The following MS4A12 variants were observed in gnomAD, a reference collection of about 807,000 sequenced individuals.
MS4A12 encodes the protein membrane-spanning 4-domains subfamily A member 12.
MS4A12 carries 28 observed loss-of-function variants against 23.7 expected under a neutral mutation model. That is an observed-to-expected ratio of 1.18 (90% CI 0.88 to 1.62). The LOEUF is 1.62. MS4A12 is among the 40% of genes most tolerant of loss of function. MS4A12 has a pLI of 0.00. For synonymous variants in MS4A12, 108 were observed against 110.1 expected, an observed-to-expected ratio of 0.98 and a Z score of 0.12; for missense variants, 342 against 327.0, an observed-to-expected ratio of 1.05 and a Z score of -0.35.
chr11:60,497,926 G>A, intron 2 of MS4A12: 1 of 205,032 alleles, frequency 4.9e-6, no homozygotes, highest in Non-Finnish European at 9.8e-6. Flanking sequence ...TTACAAGTCT[G>A]GTTTTTGCAT....
chr11:60,500,411 T>C (rs2086522019), intron 2 of MS4A12, among the ~76,000 whole-genome samples: 1 of 152,122 alleles, frequency 6.6e-6, no homozygotes, highest in Admixed American at 6.5e-5. Context: ...GAGCTGAGCA[T>C]GGGGGAAGAC....
At chr11:60,506,996 C>T (rs751408326) in intron 6 of MS4A12, 24 bp from the exon 7 acceptor site, 1 of 1,586,638 alleles carries the variant, frequency 6.3e-7, no homozygotes, top group Non-Finnish European at 8.7e-7. Context: ...AACCATATTG[C>T]TTGTTTTTAT....
chr11:60,502,010 T>C lies in MS4A12; in HGVS notation c.442T>C (p.Ser148Pro), dbSNP rs768745030. ...TATTATCTCTGGCTCTCTCTCTGTG[T>C]CAGCATCCAAGGAGCTTTCCCGTTG... ...SFIISGSLSV[S>P]ASKELSRCLV... Residue 148 changes from serine (S) to proline (P), a missense_variant, in exon 4 of 7, where the codon TCA becomes CCA. By Grantham distance (74) the Ser-to-Pro change is moderately conservative. Transcript: ENST00000016913. 1.7e-5 allele frequency: 27 copies of C among 1,613,204 alleles called. No homozygotes were observed. Among genetic ancestry groups the C allele is most frequent in the Non-Finnish European group, 1.7e-6 (2 of 1,179,254 alleles).
At position 60,497,385 on chromosome 11, in the gene MS4A12, A is replaced by C; in HGVS notation, c.67A>C (p.Ser23Arg). The change falls in exon 2 of 7, where the codon AGC (serine) becomes CGC (arginine). Residue 23 changes from serine to arginine, a missense_variant. Coordinates refer to ENST00000016913, the MANE Select transcript of MS4A12 (RefSeq NM_017716.3). The part of the protein sequence containing the change: ...NETIPNPYPP[S>R]SFMAPGFQQP... ...AACCATACCCAACCCTTACCCACCA[A>C]GCAGCTTTATGGCTCCTGGATTTCA... is the stretch of plus-strand genomic sequence containing the variant. 6.2e-7 allele frequency: 1 copy of C among 1,614,218 alleles called. No individual in the cohort carries two copies. Among genetic ancestry groups the C allele is most frequent in the African/African-American group, 1.3e-5 (1 of 75,066 alleles).
chr11:60,493,525 A>G (rs1401827345), intron 1 of MS4A12, among the ~76,000 whole-genome samples: 1 of 152,240 alleles, frequency 6.6e-6, no homozygotes, highest in Non-Finnish European at 1.5e-5. Flanking sequence ...AACATAGAAC[A>G]CAGAAGTAAT....
chr11:60,501,948 A>G lies in MS4A12; in HGVS notation c.415-35A>G, dbSNP rs762758036. 1.0e-5 allele frequency: 16 copies of G among 1,563,272 alleles called. No homozygotes were observed. The South Asian group carries it at 1.8e-4, about 18-fold the overall frequency. ...AGAAATTCCCAAGCACAACCAGTTA[A>G]CCCATTTCACAAATAAATTTGTCCA... is the stretch of plus-strand genomic sequence containing the variant. On this transcript the variant is annotated intron_variant, in intron 3 of 6. Transcript: ENST00000016913.
chr11:60,497,275 G>T (rs1010987660), intron 1 of MS4A12, 38 bp from the exon 2 acceptor site: 1 of 1,552,164 alleles, frequency 6.4e-7, no homozygotes, highest in African/African-American at 1.4e-5. Flanking sequence ...TTCTTTTCTG[G>T]ATAAACGTAT....
At chr11:60,495,055 C>T (rs1463995983) in intron 1 of MS4A12, among the ~76,000 whole-genome samples, 8 of 150,844 alleles carry the variant, frequency 5.3e-5, no homozygotes, top group Admixed American at 2.0e-4. Context: ...TGCAGTGGCA[C>T]GATCTCGGCT....
rs1244582339 is a variant in MS4A12 at position 60,506,780 on chromosome 11, T to A, written c.641T>A (p.Phe214Tyr). ...CTGATGATCTTCTCCCTCTTGGAGT[T>A]CTTCGTAGCTTGTGCCACAGCCCAT... Reference protein sequence around the residue: ...ATLMIFSLLEFFVACATAHFA... With the variant: ...ATLMIFSLLEYFVACATAHFA... Residue 214 changes from phenylalanine (F) to tyrosine (Y), a missense_variant, in exon 6 of 7, where the codon TTC (phenylalanine) becomes TAC (tyrosine). Coordinates refer to ENST00000016913, the MANE Select transcript of MS4A12 (RefSeq NM_017716.3). 6.2e-7 allele frequency: 1 copy of A among 1,614,204 alleles called. No homozygotes were observed. The highest frequency in any genetic ancestry group is 1.7e-5 in the Admixed American group (1 of 60,034).
At chr11:60,500,165 C>T (rs988767314) in intron 2 of MS4A12, among the ~76,000 whole-genome samples, 15 of 149,010 alleles carry the variant, frequency 1.0e-4, no homozygotes, top group African/African-American at 2.5e-4. Context: ...GGTGTGAACC[C>T]GGGAGGCGGA....
chr11:60,506,821 A>G lies in MS4A12; in HGVS notation c.682A>G (p.Asn228Asp). Reference protein sequence around the residue: ...CATAHFANQANTTTNMSVLVI... With the variant: ...CATAHFANQADTTTNMSVLVI... The stretch of plus-strand genomic sequence containing the variant: ...CACAGCCCATTTTGCCAACCAAGCA[A>G]ACACCACAACCAATATGGTGAGTTG... The change falls in exon 6 of 7, where the codon AAC (asparagine) becomes GAC (aspartate). Residue 228 changes from asparagine (N) to aspartate (D), a missense_variant. Physicochemically the swap from Asn to Asp is conservative, Grantham distance 23 (BLOSUM62 1). Coordinates refer to ENST00000016913, the MANE Select transcript of MS4A12 (RefSeq NM_017716.3). The G allele has an allele frequency of 6.2e-7, 1 of 1,613,496 alleles. No homozygotes were observed. The highest frequency in any genetic ancestry group is 8.5e-7 in the Non-Finnish European group (1 of 1,179,378).
At chr11:60,503,368 G>C (rs1474504734) in intron 4 of MS4A12, among the ~76,000 whole-genome samples, 1 of 152,150 alleles carries the variant, frequency 6.6e-6, no homozygotes, top group Non-Finnish European at 1.5e-5. Flanking sequence ...GTCTGACACA[G>C]AAAAATGCTC....
At chr11:60,493,153 A>G (rs2086461840) in intron 1 of MS4A12, 1 of 152,206 alleles carries the variant, frequency 6.6e-6, no homozygotes, top group African/African-American at 2.4e-5. Flanking sequence ...AGGCAGGAGA[A>G]TCACCTGAGG....
rs2086576725 is a variant in MS4A12, at chr11:60,507,103, C to T, written c.783C>T (p.Tyr261=). ...SSSAPPRCNN[Y]SANAPK is the part of the protein sequence containing the mutation. ...CAGCTCCTCCCAGATGCAACAACTA[C>T]TCAGCTAATGCCCCTAAATAGTAAA... Residue 261 remains tyrosine, a synonymous_variant, in exon 7 of 7, where the codon TAC becomes TAT. Coordinates refer to ENST00000016913, the MANE Select transcript of MS4A12 (RefSeq NM_017716.3). The T allele has an allele frequency of 3.1e-6, 5 of 1,612,950 alleles. No homozygotes were observed. In the East Asian group the frequency reaches 1.1e-4, roughly 36 times the overall value.
intron 1 of MS4A12, 80 bp from the exon 2 acceptor site, chr11:60,497,233 G>C: frequency 7.0e-7 from 1 of 1,429,560 alleles, no homozygotes; most frequent in Non-Finnish European, 9.5e-7. Flanking sequence ...ATAGATAATT[G>C]ACATTTGACA....
chr11:60,503,699 A>C lies in MS4A12; in HGVS notation c.472-2A>C. 6.2e-7 allele frequency: 1 copy of C among 1,609,242 alleles called. No individual in the cohort carries two copies. Among genetic ancestry groups the C allele is most frequent in the Non-Finnish European group, 8.5e-7 (1 of 1,177,350 alleles). ...TTGATTTTTTCCTGCCATCTCCATT[A>C]GGTGAAAGGCAGCCTGGGAATGAAC... On this transcript the variant is annotated splice_acceptor_variant, in intron 4 of 6. Transcript: ENST00000016913. LOFTEE classifies it high-confidence loss of function.
rs2086575872 is a variant in MS4A12 at position 60,507,003 on chromosome 11, T to C, written c.700-17T>C. 1.3e-6 allele frequency: 2 copies of C among 1,597,042 alleles called. No individual in the cohort carries two copies. The highest frequency in any genetic ancestry group is 2.7e-5 in the African/African-American group (2 of 74,624). ...ATTGTAGTAACCATATTGCTTGTTT[T>C]TATTCATTCTTTCCAGTCTGTCCTG... is the stretch of plus-strand genomic sequence containing the variant. On this transcript the variant is annotated splice_polypyrimidine_tract_variant and intron_variant, in intron 6 of 6. Coordinates refer to ENST00000016913, the MANE Select transcript of MS4A12 (RefSeq NM_017716.3).
intron 1 of MS4A12, among the ~76,000 whole-genome samples, chr11:60,496,425 A>G (rs1490437399): frequency 1.3e-5 from 2 of 152,220 alleles, no homozygotes; most frequent in African/African-American, 2.4e-5. Context: ...CTTATTTCCA[A>G]CAAAATTTCC....
chr11:60,503,570 CA>C, intron 4 of MS4A12, 130 bp from the exon 5 acceptor site: 1 of 713,314 alleles, frequency 1.4e-6, no homozygotes, highest in South Asian at 2.0e-5. Context: ...GGGCAGAAAA[CA>C]GAATAATTTC....
Sources: allele counts gnomAD v4.1 joint callset (sites outside exome capture counted in the v4.1 genomes callset), GRCh38; gene constraint gnomAD v4.1.1; transcripts MANE v1.5; gene names NCBI Gene and HGNC (gene_info 2026-07-23, HGNC 2026-07-21).